The following INPP5F variants were observed in gnomAD, a reference collection of about 807,000 sequenced individuals.
The protein encoded by INPP5F is phosphatidylinositide 4-phosphatase SAC2.
INPP5F carries 97 observed loss-of-function variants against 137.2 expected under a neutral mutation model. The ratio of observed to expected loss-of-function variants is 0.71; its 90% confidence interval spans 0.60 to 0.84. INPP5F has a LOEUF of 0.84. Among genes scored for constraint, INPP5F ranks in the 40% least tolerant of loss-of-function variants. The pLI is 0.00. For synonymous variants in INPP5F, 504 were observed against 476.9 expected (o/e 1.06, Z -0.74); for missense variants, 1,271 against 1,371.9 (o/e 0.93, Z 1.16).
intron 1 of INPP5F, among the ~76,000 whole-genome samples, chr10:119,733,238 A>T (rs1848134054): frequency 6.6e-6 from 1 of 152,206 alleles, no homozygotes; most frequent in South Asian, 2.1e-4. Context: ...TAGTGTGATA[A>T]CTAGTTTGTT....
chr10:119,728,792 T>C (rs1847964551), intron 1 of INPP5F, among the ~76,000 whole-genome samples: 1 of 152,246 alleles, frequency 6.6e-6, no homozygotes, highest in Non-Finnish European at 1.5e-5. Context: ...CCAGCTCAGA[T>C]GCTACCCCTC....
At chr10:119,763,670 TC>T (rs1296745822) in intron 2 of INPP5F, among the ~76,000 whole-genome samples, 2 of 152,218 alleles carry the variant, frequency 1.3e-5, no homozygotes, top group Non-Finnish European at 2.9e-5. Flanking sequence ...TGTAGTGTTT[TC>T]CCCTGAACGG....
chr10:119,747,590 A>G (rs1358904388), intron 1 of INPP5F, among the ~76,000 whole-genome samples: 4 of 152,232 alleles, frequency 2.6e-5, no homozygotes, highest in African/African-American at 9.6e-5. Context: ...CTAACTTGGT[A>G]TGTAACCTTT....
chr10:119,819,372 CATA>C (rs1851453611), intron 15 of INPP5F: 6 of 1,344,564 alleles, frequency 4.5e-6, no homozygotes, highest in South Asian at 1.9e-5. Context: ...TTGTTAAGGA[CATA>C]ATGTTTTTGA....
chr10:119,807,290 T>A (rs920962670), intron 12 of INPP5F, among the ~76,000 whole-genome samples: 2 of 151,886 alleles, frequency 1.3e-5, no homozygotes, highest in Non-Finnish European at 2.9e-5. Flanking sequence ...AAAATAAAAA[T>A]AAAAAAATAA....
intron 2 of INPP5F, among the ~76,000 whole-genome samples, chr10:119,771,882 A>ATATATACATAT (rs1564820059): frequency 4.1e-5 from 1 of 24,166 alleles, no homozygotes; most frequent in Non-Finnish European, 6.6e-5. Flanking sequence ...ATATATATAT[A>ATATATACATAT]TTTTTTTTTT....
intron 3 of INPP5F, 59 bp from the exon 4 acceptor site, chr10:119,791,458 C>A: frequency 7.2e-7 from 1 of 1,386,238 alleles, no homozygotes; most frequent in Non-Finnish European, 1.0e-6. Flanking sequence ...CACTTTTGCA[C>A]TCGAACATTT....
chr10:119,781,148 G>A (rs997213970), intron 2 of INPP5F, among the ~76,000 whole-genome samples: 2 of 152,200 alleles, frequency 1.3e-5, no homozygotes, highest in African/African-American at 4.8e-5. Context: ...AGTGTTTATT[G>A]TAATTATAAA....
intron 3 of INPP5F, among the ~76,000 whole-genome samples, chr10:119,783,868 A>G (rs1181611240): frequency 6.6e-6 from 1 of 152,246 alleles, no homozygotes. Flanking sequence ...TCACGTTAAG[A>G]GTTGAGTATA....
intron 10 of INPP5F, among the ~76,000 whole-genome samples, chr10:119,804,985 C>T (rs1047375977): frequency 2.0e-5 from 3 of 152,166 alleles, no homozygotes; most frequent in African/African-American, 2.4e-5. Context: ...CCTTGGCCTC[C>T]CAAAGTACTG....
chr10:119,729,147 A>C (rs2134095486), intron 1 of INPP5F, among the ~76,000 whole-genome samples: 1 of 151,920 alleles, frequency 6.6e-6, no homozygotes, highest in South Asian at 2.1e-4. Context: ...GGGAGGGGGA[A>C]AGGGCGGGGC....
In INPP5F at chr10:119,748,596, G is replaced by T. The variant is rs1848606178; in HGVS notation, c.98-2480G>T. Among the ~76,000 whole-genome samples the T allele has an allele frequency of 6.6e-6, 1 of 152,148 alleles. No individual in the cohort carries two copies. Among genetic ancestry groups the T allele is most frequent in the South Asian group, 2.1e-4 (1 of 4,830 alleles). On this transcript the variant is annotated intron_variant, in intron 1 of 19. Transcript: ENST00000650623. This position sits in a 1 kb window ranked among gnomAD's most constrained non-coding sequence, Gnocchi z 4.7. ...GACCTGAAGTGGGTAGCTCCTTTTTGCAGGCAGGTCATCCAATGAGGAGAC... is the reference window on the plus strand; with the variant it reads ...GACCTGAAGTGGGTAGCTCCTTTTTTCAGGCAGGTCATCCAATGAGGAGAC...
Position 119,792,015 on chromosome 10 carries a change from C to T in INPP5F, c.591C>T (p.Asp197=), listed in dbSNP as rs375176930. 113 of 1,614,064 alleles carry T rather than the reference C, an allele frequency of 7.0e-5. No individual in the cohort carries two copies. Among genetic ancestry groups the T allele is most frequent in the Non-Finnish European group, 8.4e-5 (99 of 1,180,036 alleles). ...SVQRQSTGER[D]GRPLWQKVDD... ...AGAGGCAGAGCACTGGGGAGAGGGA[C>T]GGTCGGCCCCTCTGGCAGAAGGTAC... The change falls in exon 5 of 20, where the codon GAC becomes GAT. Residue 197 remains aspartate, a synonymous_variant. Transcript: ENST00000650623.
chr10:119,749,644 G>A (rs931226803), intron 1 of INPP5F, among the ~76,000 whole-genome samples: 3 of 152,182 alleles, frequency 2.0e-5, no homozygotes, highest in African/African-American at 7.2e-5. Flanking sequence ...TCCATTGTAT[G>A]ACCTGACCAT....
At chr10:119,762,077 C>A (rs1036206999) in intron 2 of INPP5F, among the ~76,000 whole-genome samples, 1 of 152,102 alleles carries the variant, frequency 6.6e-6, no homozygotes, top group African/African-American at 2.4e-5. Context: ...TCTCGTTCCA[C>A]GAATACTGTA....
intron 1 of INPP5F, among the ~76,000 whole-genome samples, chr10:119,739,706 T>G (rs1333393726): frequency 6.6e-6 from 1 of 152,176 alleles, no homozygotes; most frequent in Non-Finnish European, 1.5e-5. Flanking sequence ...CATGGGTCAC[T>G]GCATCCTTGA....
intron 15 of INPP5F, chr10:119,814,722 A>C (rs1364720227): frequency 6.6e-6 from 1 of 152,222 alleles, no homozygotes; most frequent in Non-Finnish European, 1.5e-5. Flanking sequence ...TGAAACCTTT[A>C]AGTTCATTTT....
At chr10:119,756,147 CTCTGTCT>C (rs1848834771) in intron 2 of INPP5F, among the ~76,000 whole-genome samples, 2 of 151,954 alleles carry the variant, frequency 1.3e-5, no homozygotes, top group African/African-American at 4.8e-5. Context: ...CAGAGCAAGA[CTCTGTCT>C]CAAGAAAACA....
chr10:119,797,521 C>T lies in INPP5F; in HGVS notation c.929C>T (p.Thr310Ile). 1 of 1,612,594 alleles carries T rather than the reference C, an allele frequency of 6.2e-7. No individual in the cohort carries two copies. The highest frequency in any genetic ancestry group is 1.1e-5 in the South Asian group (1 of 90,726). ...KNGNVANYVE[T>I]EQLIHVHNHT... Reference sequence around the variant, plus strand: ...GGAAATGTTGCCAATTATGTGGAGACTGAGCAGTTGATTCATGTTCATAAT... The same window carrying T: ...GGAAATGTTGCCAATTATGTGGAGATTGAGCAGTTGATTCATGTTCATAAT... The change falls in exon 8 of 20, where the codon ACT becomes ATT. Residue 310 changes from threonine to isoleucine, a missense_variant. Physicochemically the swap from Thr to Ile is moderately conservative, Grantham distance 89 (BLOSUM62 -1). Around this residue, in one of 6 missense-constraint regions of INPP5F, gnomAD observed 593 missense variants for 712.4 expected, o/e 0.83. Transcript: ENST00000650623.
Sources: allele counts gnomAD v4.1 joint callset (sites outside exome capture counted in the v4.1 genomes callset), GRCh38; gene constraint gnomAD v4.1.1; regional missense constraint gnomAD v4.1.1; non-coding constraint Gnocchi (gnomAD v3.1); transcripts MANE v1.5; gene names NCBI Gene and HGNC (gene_info 2026-07-23, HGNC 2026-07-21).